Variants in DISP1 observed in about 807,000 individuals in gnomAD.
DISP1 encodes the protein dispatched RND transporter family member 1, also known as protein dispatched homolog 1.
In DISP1, 30 loss-of-function variants were observed where a neutral mutation model predicts 37.3. The ratio of observed to expected loss-of-function variants is 0.80; its 90% confidence interval spans 0.60 to 1.09. The LOEUF (loss-of-function observed/expected upper bound fraction) is 1.09. Among genes scored for constraint, DISP1 ranks in the 50% least tolerant of loss-of-function variants. The pLI, the probability that DISP1 is intolerant of heterozygous loss-of-function variation, is 0.00. For missense variants in DISP1, 1,598 were observed against 1,879.5 expected, an observed-to-expected ratio of 0.85 and a Z score of 2.77; for synonymous variants, 634 against 690.2, an observed-to-expected ratio of 0.92 and a Z score of 1.28.
In DISP1 at chr1:222,947,998, G is replaced by C. The variant is rs145654210; in HGVS notation, c.509+4666G>C. Among the ~76,000 whole-genome samples the C allele has an allele frequency of 4.0e-3, 613 of 152,274 alleles. 12 individuals carry two copies. The highest frequency in any genetic ancestry group is 0.017 in the East Asian group (89 of 5,186). ...TAGATTTGGTGGATGATTGGATATCGGAGGGGCAAAGGGAGTAAGAATCAC... is the reference window on the plus strand; with the variant it reads ...TAGATTTGGTGGATGATTGGATATCCGAGGGGCAAAGGGAGTAAGAATCAC... On this transcript the variant is annotated intron_variant, in intron 3 of 8. Coordinates refer to ENST00000675850, the MANE Select transcript of DISP1 (RefSeq NM_001377229.1).
rs143535366 is a variant in DISP1, at chr1:222,888,692, C to T, written c.-158-39738C>T. 2.8e-3 allele frequency among the ~76,000 whole-genome samples: 421 copies of T among 152,186 alleles called. 3 individuals are homozygous for T. Among genetic ancestry groups the T allele is most frequent in the African/African-American group, 9.8e-3 (406 of 41,534 alleles). ...GAAAATTTTTATTTTCTCCCACATACTGAGAGAGTAACCAAATCGTCTTAA... is the reference window on the plus strand; with the variant it reads ...GAAAATTTTTATTTTCTCCCACATATTGAGAGAGTAACCAAATCGTCTTAA... On this transcript the variant is annotated intron_variant, in intron 1 of 8. Coordinates refer to ENST00000675850, the MANE Select transcript of DISP1 (RefSeq NM_001377229.1).
intron 1 of DISP1, among the ~76,000 whole-genome samples, chr1:222,866,384 G>T (rs138343847): frequency 1.3e-5 from 2 of 151,930 alleles, no homozygotes; most frequent in Non-Finnish European, 2.9e-5. Context: ...TCACTGGGTC[G>T]CTCAGGCTGG....
intron 1 of DISP1, among the ~76,000 whole-genome samples, chr1:222,877,562 T>C (rs1301487696): frequency 1.3e-5 from 2 of 152,156 alleles, no homozygotes; most frequent in Admixed American, 6.5e-5. Flanking sequence ...AGCCAAACCA[T>C]ATCAGCCTTT....
At position 222,964,221 on chromosome 1, in the gene DISP1, C is replaced by A. The variant is rs557302227; in HGVS notation, c.510-18859C>A. Among the ~76,000 whole-genome samples the A allele has an allele frequency of 1.2e-4, 18 of 151,060 alleles. No individual in the cohort carries two copies. The South Asian group carries it at 3.8e-3, about 32-fold the overall frequency. The stretch of plus-strand genomic sequence containing the variant: ...GCCTGAGGCAGGAGAGTCGCTTCAA[C>A]CTGGGAGGCGGAGGTTGCAGCAAAC... On this transcript the variant is annotated intron_variant, in intron 3 of 8. Coordinates refer to ENST00000675850, the MANE Select transcript of DISP1 (RefSeq NM_001377229.1).
At chr1:222,953,152 T>C (rs910316842) in intron 3 of DISP1, among the ~76,000 whole-genome samples, 2 of 152,228 alleles carry the variant, frequency 1.3e-5, no homozygotes, top group African/African-American at 4.8e-5. Flanking sequence ...ATTTTTCTTT[T>C]CTCAATCCTT....
intron 4 of DISP1, among the ~76,000 whole-genome samples, chr1:222,984,264 A>G (rs965593412): frequency 2.0e-5 from 3 of 151,598 alleles, no homozygotes; most frequent in Non-Finnish European, 4.4e-5. Context: ...AAAGTTAGCC[A>G]AGCATTGTGG....
intron 4 of DISP1, chr1:222,989,566 C>A: frequency 2.0e-6 from 2 of 985,104 alleles, no homozygotes; most frequent in Non-Finnish European, 2.4e-6. Flanking sequence ...GAAGAAAGGG[C>A]CCAGTGTTAG....
rs1223471311 is a variant in DISP1 at position 222,893,821 on chromosome 1, C to T, written c.-158-34609C>T. On this transcript the variant is annotated intron_variant, in intron 1 of 8. Transcript: ENST00000675850. This position sits in a 1 kb window ranked among gnomAD's most constrained non-coding sequence, Gnocchi z 4.3. ...TAATGGAGTGGGGGCGTGTTTCAGC[C>T]CTGTTTGTGTTACAGCTCTTTCAGC... is the stretch of plus-strand genomic sequence containing the variant. Among the ~76,000 whole-genome samples, 2 of 152,128 alleles carry T rather than the reference C, an allele frequency of 1.3e-5. No individual in the cohort carries two copies. Among genetic ancestry groups the T allele is most frequent in the Non-Finnish European group, 2.9e-5 (2 of 68,030 alleles).
intron 2 of DISP1, among the ~76,000 whole-genome samples, chr1:222,936,655 CTCAT>C (rs1390034730): frequency 1.8e-4 from 6 of 33,434 alleles, no homozygotes; most frequent in Non-Finnish European, 3.1e-4. Context: ...ATATATATCT[CTCAT>C]ATATATGAGG....
chr1:222,843,111 T>C lies in DISP1; in HGVS notation c.-159+28033T>C, dbSNP rs546809919. On this transcript the variant is annotated intron_variant, in intron 1 of 8. Coordinates refer to ENST00000675850, the MANE Select transcript of DISP1 (RefSeq NM_001377229.1). ...GAGGACTTTAATCTCTCACTTGATA[T>C]ATAATGAGAGAATGGTAAACCTCAT... 8.5e-5 allele frequency among the ~76,000 whole-genome samples: 13 copies of C among 152,134 alleles called. No homozygotes were observed. The East Asian group carries it at 2.1e-3, about 25-fold the overall frequency.
chr1:222,999,949 T>A (rs185121581), intron 8 of DISP1, among the ~76,000 whole-genome samples: 142 of 152,346 alleles, frequency 9.3e-4, no homozygotes, highest in South Asian at 8.3e-4. Context: ...CACTCGTTTT[T>A]AATAGCAGCC....
chr1:222,819,382 T>G (rs1335491673), intron 1 of DISP1, among the ~76,000 whole-genome samples: 1 of 152,146 alleles, frequency 6.6e-6, no homozygotes, highest in Non-Finnish European at 1.5e-5. Context: ...AGTTACTTTT[T>G]AAGGGATTTA....
intron 1 of DISP1, among the ~76,000 whole-genome samples, chr1:222,862,591 G>A (rs1668944443): frequency 6.6e-6 from 1 of 150,606 alleles, no homozygotes; most frequent in Non-Finnish European, 1.5e-5. Context: ...GTCCAGGCTA[G>A]GTGCTATCGT....
intron 1 of DISP1, among the ~76,000 whole-genome samples, chr1:222,874,763 A>G (rs1669861167): frequency 6.6e-6 from 1 of 152,154 alleles, no homozygotes; most frequent in African/African-American, 2.4e-5. Flanking sequence ...TCAACTCGTC[A>G]AAGTCATTCT....
intron 3 of DISP1, among the ~76,000 whole-genome samples, chr1:222,958,772 A>G (rs531435853): frequency 6.6e-6 from 1 of 152,176 alleles, no homozygotes; most frequent in African/African-American, 2.4e-5. Flanking sequence ...TAACCAGAAC[A>G]TCAGTATCCC....
At position 223,004,200 on chromosome 1, in the gene DISP1, C is replaced by T; in HGVS notation, c.2803C>T (p.Leu935=). 6.2e-7 allele frequency: 1 copy of T among 1,614,192 alleles called. No individual in the cohort carries two copies. Among genetic ancestry groups the T allele is most frequent in the Non-Finnish European group, 8.5e-7 (1 of 1,180,036 alleles). ...LEFQSTYLFT[L]AYEKMHQFYK... ...GTTCCAGAGTACCTACCTCTTCACA[C>T]TGGCTTATGAAAAGATGCATCAGTT... is the stretch of plus-strand genomic sequence containing the variant. Residue 935 remains leucine, a synonymous_variant, in exon 9 of 9, where the codon CTG becomes TTG. Transcript: ENST00000675850. This position sits in a 1 kb window ranked among gnomAD's most constrained non-coding sequence, Gnocchi z 4.9.
intron 1 of DISP1, among the ~76,000 whole-genome samples, chr1:222,856,706 GTTTT>G (rs11441357): frequency 7.6e-6 from 1 of 132,028 alleles, no homozygotes; most frequent in Non-Finnish European, 1.6e-5. Context: ...ATTATAATTC[GTTTT>G]TTTTTTTTTT....
chr1:222,982,995 A>G, intron 3 of DISP1, 85 bp from the exon 4 acceptor site: 1 of 1,009,822 alleles, frequency 9.9e-7, no homozygotes, highest in Non-Finnish European at 1.5e-6. Flanking sequence ...AAAATGTTCA[A>G]CACATATGTA....
rs754723527 is a variant in DISP1 at position 223,003,667 on chromosome 1, C to T, written c.2270C>T (p.Ser757Leu). 30 of 1,613,974 alleles carry T rather than the reference C, an allele frequency of 1.9e-5. No individual in the cohort carries two copies. In the East Asian group the frequency reaches 2.7e-4, roughly 14 times the overall value. ...TTATCCGAGTTCCAGGTGTTCCGGT[C>T]GTCCCATCCTTTTGAGCGTTATGAT... The part of the protein sequence containing the change: ...LELSEFQVFR[S>L]SHPFERYDAE... Residue 757 changes from serine (S) to leucine (L), a missense_variant, in exon 9 of 9, where the codon TCG becomes TTG. Ser to Leu is a moderately radical substitution (Grantham distance 145). Coordinates refer to ENST00000675850, the MANE Select transcript of DISP1 (RefSeq NM_001377229.1). This position sits in a 1 kb window ranked among gnomAD's most constrained non-coding sequence, Gnocchi z 4.3.
Sources: gnomAD v4.1 joint callset for allele counts (sites outside exome capture counted in the v4.1 genomes callset) on GRCh38, gnomAD v4.1.1 for gene constraint, Gnocchi (gnomAD v3.1) non-coding constraint, MANE v1.5 for transcripts, NCBI Gene and HGNC (gene_info 2026-07-23, HGNC 2026-07-21) for gene names.